The following CDK14 variants were observed in gnomAD, a reference collection of about 807,000 sequenced individuals.
CDK14 encodes the protein cyclin dependent kinase 14.
In CDK14, 34 loss-of-function variants were observed where a neutral mutation model predicts 60.7. That is an observed-to-expected ratio of 0.56 (90% confidence interval 0.43 to 0.75). CDK14 has a LOEUF of 0.75. Ranked by LOEUF, CDK14 falls within the 30% of genes least tolerant of loss-of-function variation. CDK14 has a pLI of 0.00. For synonymous variants in CDK14, 197 were observed against 203.7 expected (o/e 0.97, Z 0.28); for missense variants, 482 against 564.1 (o/e 0.85, Z 1.47).
chr7:90,730,783 T>C (rs1014083926), intron 3 of CDK14, among the ~76,000 whole-genome samples: 1 of 152,208 alleles, frequency 6.6e-6, no homozygotes, highest in African/African-American at 2.4e-5. Context: ...ATTATAAAAA[T>C]TTTCTCCCAT....
chr7:90,918,245 A>C (rs1406870296), intron 8 of CDK14, among the ~76,000 whole-genome samples: 1 of 152,204 alleles, frequency 6.6e-6, no homozygotes, highest in Non-Finnish European at 1.5e-5. Flanking sequence ...TAATAACTAG[A>C]AATCTAGATG....
chr7:91,070,235 A>G (rs1307093691), intron 11 of CDK14, among the ~76,000 whole-genome samples: 1 of 149,712 alleles, frequency 6.7e-6, no homozygotes, highest in African/African-American at 2.5e-5. Flanking sequence ...AAATTAACTC[A>G]TTTATTTTGT....
At chr7:91,040,343 G>T (rs1185594906) in intron 10 of CDK14, among the ~76,000 whole-genome samples, 1 of 152,022 alleles carries the variant, frequency 6.6e-6, no homozygotes, top group Admixed American at 6.6e-5. Flanking sequence ...TCCAGAGCAG[G>T]GTGTATAATA....
At chr7:90,611,211 C>T (rs146691365) in intron 2 of CDK14, among the ~76,000 whole-genome samples, 8 of 152,256 alleles carry the variant, frequency 5.3e-5, no homozygotes, top group African/African-American at 1.9e-4. Flanking sequence ...ATGCTTAAGT[C>T]TTCCCCATCT....
At chr7:90,967,181 A>G (rs1331065530) in intron 9 of CDK14, among the ~76,000 whole-genome samples, 1 of 144,454 alleles carries the variant, frequency 6.9e-6, no homozygotes, top group African/African-American at 2.5e-5. Flanking sequence ...GAAGGAGGGA[A>G]GGAAGGAAGG....
Position 91,209,748 on chromosome 7 carries a change from T to G in CDK14, c.*2612T>G, listed in dbSNP as rs1803011492. ...TTCTTAAAATAACAGTTTTGTTGACTTAAAAATATGAGATACATAGGATGT... is the reference window on the plus strand; with the variant it reads ...TTCTTAAAATAACAGTTTTGTTGACGTAAAAATATGAGATACATAGGATGT... On this transcript the variant is annotated 3_prime_UTR_variant, in exon 15 of 15. Coordinates refer to ENST00000380050, the MANE Select transcript of CDK14 (RefSeq NM_001287135.2). 1 of 152,536 alleles carries G rather than the reference T, an allele frequency of 6.6e-6. No individual in the cohort carries two copies. Among genetic ancestry groups the G allele is most frequent in the Non-Finnish European group, 1.5e-5 (1 of 68,036 alleles). The allele number at this position is 152,536 out of a possible 1,614,324, so 9.4% of individuals were successfully genotyped here. A position where few individuals can be genotyped will look rare whatever the true frequency, so the allele number is the denominator to read the frequency against.
At chr7:91,046,257 A>G (rs1797230041) in intron 11 of CDK14, among the ~76,000 whole-genome samples, 1 of 152,212 alleles carries the variant, frequency 6.6e-6, no homozygotes, top group Non-Finnish European at 1.5e-5. Flanking sequence ...CTATAAAAAC[A>G]AAATTTAAAT....
intron 4 of CDK14, among the ~76,000 whole-genome samples, chr7:90,776,688 G>C (rs1805060380): frequency 6.6e-6 from 1 of 152,166 alleles, no homozygotes; most frequent in African/African-American, 2.4e-5. Context: ...ATTAACAAAT[G>C]TCTTAGGACA....
chr7:90,950,612 T>G (rs1267191963), intron 8 of CDK14, among the ~76,000 whole-genome samples: 1 of 152,148 alleles, frequency 6.6e-6, no homozygotes, highest in Non-Finnish European at 1.5e-5. Context: ...TGGATGGTGA[T>G]GTGTAGCAGT....
chr7:90,773,843 C>CCTCCTCTCCT (rs530779137), intron 4 of CDK14, among the ~76,000 whole-genome samples: 4,086 of 78,166 alleles, frequency 0.052, 239 homozygotes, highest in East Asian at 0.14. Context: ...TCTTCTCTTC[C>CCTCCTCTCCT]CTCCTCTCCT....
At chr7:90,936,835 T>C (rs974265814) in intron 8 of CDK14, among the ~76,000 whole-genome samples, 9 of 152,262 alleles carry the variant, frequency 5.9e-5, no homozygotes, top group Admixed American at 2.6e-4. Flanking sequence ...TCCTAAAACT[T>C]TGGGAAGCTG....
intron 2 of CDK14, among the ~76,000 whole-genome samples, chr7:90,619,699 C>T (rs192494440): frequency 2.6e-4 from 40 of 152,066 alleles, no homozygotes; most frequent in African/African-American, 8.2e-4. Flanking sequence ...AAAATTGATA[C>T]TGAAGGAAAA....
At chr7:90,933,279 C>CAA (rs565640721) in intron 8 of CDK14, among the ~76,000 whole-genome samples, 163 of 88,518 alleles carry the variant, frequency 1.8e-3, no homozygotes, top group African/African-American at 2.6e-3. Context: ...AACCCTGTCT[C>CAA]AAAAAAAAAA....
intron 1 of CDK14, among the ~76,000 whole-genome samples, chr7:90,597,746 G>A (rs1372532704): frequency 2.6e-5 from 4 of 151,840 alleles, no homozygotes; most frequent in African/African-American, 9.7e-5. Context: ...ATGCACATGA[G>A]TGTTACAGAT....
chr7:90,967,598 A>C (rs941872737), intron 9 of CDK14, among the ~76,000 whole-genome samples: 1 of 152,198 alleles, frequency 6.6e-6, no homozygotes, highest in African/African-American at 2.4e-5. Context: ...TATGAAAACC[A>C]ACCTGAAAAG....
In CDK14 at chr7:90,636,848, C is replaced by G. The variant is rs1006876531; in HGVS notation, c.123+32599C>G. Among the ~76,000 whole-genome samples, 235 of 152,088 alleles carry G rather than the reference C, an allele frequency of 1.5e-3. 5 individuals are homozygous for G. The highest frequency in any genetic ancestry group is 4.6e-4 in the Non-Finnish European group (31 of 68,004). On this transcript the variant is annotated intron_variant, in intron 2 of 14. Coordinates refer to ENST00000380050, the MANE Select transcript of CDK14 (RefSeq NM_001287135.2). ...GTCTATTCAGAGATTCAACTTCTTC[C>G]TGGTTTAGTCTTGGGAGAGTGTATG...
At chr7:90,727,445 A>G (rs1802685143) in intron 3 of CDK14, among the ~76,000 whole-genome samples, 1 of 152,204 alleles carries the variant, frequency 6.6e-6, no homozygotes, top group Admixed American at 6.5e-5. Flanking sequence ...TTTACAAGTT[A>G]GAAAGGAACA....
At chr7:91,138,420 A>G (rs1236762442) in intron 14 of CDK14, among the ~76,000 whole-genome samples, 2 of 152,204 alleles carry the variant, frequency 1.3e-5, no homozygotes, top group African/African-American at 2.4e-5. Flanking sequence ...ACACACCTAA[A>G]TAGATGGCAT....
chr7:90,812,106 C>T (rs949542933), intron 5 of CDK14, among the ~76,000 whole-genome samples: 1 of 152,134 alleles, frequency 6.6e-6, no homozygotes, highest in Non-Finnish European at 1.5e-5. Flanking sequence ...ACCCAGCCAT[C>T]CCATTACTGG....
Sources: gnomAD v4.1 joint callset for allele counts (sites outside exome capture counted in the v4.1 genomes callset) on GRCh38, gnomAD v4.1.1 for gene constraint, MANE v1.5 for transcripts, NCBI Gene and HGNC (gene_info 2026-07-23, HGNC 2026-07-21) for gene names.